SOX6: variants seen among roughly 807,000 people sequenced by gnomAD.
The protein encoded by SOX6 is SRY-box transcription factor 6, also known as transcription factor SOX-6.
Under a neutral mutation model 97.8 loss-of-function variants are expected in SOX6, and 11 were observed. That is an observed-to-expected ratio of 0.11 (90% CI 0.07 to 0.19). The LOEUF (loss-of-function observed/expected upper bound fraction) is 0.19, where lower values mean the gene tolerates loss of function less well. Among genes scored for constraint, SOX6 ranks in the 10% least tolerant of loss-of-function variants. SOX6 has a pLI of 1.00. For synonymous variants in SOX6, 360 were observed against 371.4 expected (o/e 0.97, Z 0.35); for missense variants, 810 against 1,039.5 (o/e 0.78, Z 3.04).
chr11:16,673,099 G>T (rs1316915678), intron 3 of SOX6, among the ~76,000 whole-genome samples: 1 of 151,892 alleles, frequency 6.6e-6, no homozygotes, highest in Non-Finnish European at 1.5e-5. Context: ...CAAAACAATG[G>T]AATACAGTGA....
rs571505791 is a variant in SOX6 at position 16,504,617 on chromosome 11, T to C, written n.610-28229A>G. ...AAAATAGAAAGACATCCCATGCTCA[T>C]GGACTGGAAAAATTAATATTGTTAA... is the stretch of plus-strand genomic sequence containing the variant. On this transcript the variant is annotated intron_variant and non_coding_transcript_variant, in intron 4 of 5. Coordinates refer to the SOX6 transcript ENST00000524520. 3.9e-5 allele frequency among the ~76,000 whole-genome samples: 6 copies of C among 152,236 alleles called. No individual in the cohort carries two copies. The South Asian group carries it at 6.2e-4, about 16-fold the overall frequency.
At chr11:16,181,549 T>C (rs1317283599) in intron 6 of SOX6, among the ~76,000 whole-genome samples, 2 of 123,536 alleles carry the variant, frequency 1.6e-5, no homozygotes, top group Non-Finnish European at 3.4e-5. Flanking sequence ...ATAGTTACCC[T>C]TTCCCCTTCC....
chr11:15,984,711 G>A (rs893408508), intron 15 of SOX6, among the ~76,000 whole-genome samples: 3 of 152,066 alleles, frequency 2.0e-5, no homozygotes, highest in African/African-American at 7.2e-5. Flanking sequence ...AACATACTGG[G>A]ATCTTTTATA....
chr11:16,077,057 C>G (rs1848373062), intron 9 of SOX6, among the ~76,000 whole-genome samples: 1 of 152,110 alleles, frequency 6.6e-6, no homozygotes, highest in Admixed American at 6.6e-5. Flanking sequence ...CCGGCCGGTA[C>G]TACACATTTT....
intron 9 of SOX6, among the ~76,000 whole-genome samples, chr11:16,091,056 A>G (rs984810823): frequency 6.6e-6 from 1 of 152,120 alleles, no homozygotes; most frequent in African/African-American, 2.4e-5. Context: ...AGAAAGTTAT[A>G]GTGGAAACTC....
At chr11:16,131,154 G>T (rs538777081) in intron 6 of SOX6, among the ~76,000 whole-genome samples, 3 of 151,464 alleles carry the variant, frequency 2.0e-5, no homozygotes, top group African/African-American at 4.8e-5. Context: ...AGAAGACATG[G>T]TTAAAAAGCT....
At chr11:16,252,766 C>G (rs574561157) in intron 3 of SOX6, among the ~76,000 whole-genome samples, 2 of 152,212 alleles carry the variant, frequency 1.3e-5, no homozygotes, top group African/African-American at 4.8e-5. Flanking sequence ...CCCCCTCAAG[C>G]CTTCCACTTG....
At chr11:16,277,624 A>G (rs970808011) in intron 3 of SOX6, among the ~76,000 whole-genome samples, 28 of 152,308 alleles carry the variant, frequency 1.8e-4, no homozygotes, top group Non-Finnish European at 3.8e-4. Context: ...ATAAATCTTC[A>G]TAGGCTACTA....
At chr11:16,737,770 T>C (rs1848404511) in intron 1 of SOX6, among the ~76,000 whole-genome samples, 1 of 152,106 alleles carries the variant, frequency 6.6e-6, no homozygotes, top group Admixed American at 6.5e-5. Context: ...GGGGTTCCTT[T>C]TGGAGTGGTG....
chr11:16,402,344 T>C (rs977094801), intron 1 of SOX6, among the ~76,000 whole-genome samples: 26 of 151,714 alleles, frequency 1.7e-4, no homozygotes, highest in African/African-American at 6.3e-4. Context: ...ATTTCTTTCA[T>C]ATTTATCATT....
chr11:16,262,600 T>C (rs1400501770), intron 3 of SOX6, among the ~76,000 whole-genome samples: 4 of 152,092 alleles, frequency 2.6e-5, no homozygotes, highest in African/African-American at 7.2e-5. Context: ...ACAAGGGTGA[T>C]AGTATCTGTA....
chr11:16,374,187 A>G (rs1367489296), intron 1 of SOX6, among the ~76,000 whole-genome samples: 1 of 152,080 alleles, frequency 6.6e-6, no homozygotes, highest in African/African-American at 2.4e-5. Context: ...ACTGCCTATG[A>G]ACTGAACTGG....
intron 6 of SOX6, among the ~76,000 whole-genome samples, chr11:16,140,826 G>A (rs908223984): frequency 6.6e-6 from 1 of 152,116 alleles, no homozygotes; most frequent in Admixed American, 6.5e-5. Context: ...TAAGTAAAGT[G>A]GAAATAATAT....
upstream of SOX6, among the ~76,000 whole-genome samples, chr11:16,358,060 G>GGTCA (rs1857117272): frequency 1.3e-5 from 2 of 152,088 alleles, no homozygotes; most frequent in African/African-American, 4.8e-5. Flanking sequence ...GTTGACTGAA[G>GGTCA]GTCACAGCAT....
rs560137433 is a variant in SOX6 at position 16,503,867 on chromosome 11, A to T, written n.610-27479T>A. ...AAACCATCCTGGCTAACAAGGTGAAACTCCGTCTGTACTAAAAATACAAAA... is the reference window on the plus strand; with the variant it reads ...AAACCATCCTGGCTAACAAGGTGAATCTCCGTCTGTACTAAAAATACAAAA... On this transcript the variant is annotated intron_variant and non_coding_transcript_variant, in intron 4 of 5. Transcript: ENST00000524520. Among the ~76,000 whole-genome samples the T allele has an allele frequency of 4.6e-5, 7 of 152,012 alleles. No homozygotes were observed. The South Asian group carries it at 1.5e-3, about 32-fold the overall frequency.
chr11:16,349,747 GGAA>G (rs1856884747), intron 1 of SOX6, among the ~76,000 whole-genome samples: 2 of 143,778 alleles, frequency 1.4e-5, no homozygotes, highest in Non-Finnish European at 3.1e-5. Context: ...AAGGAAGGAA[GGAA>G]GGAAGGAAGG....
At chr11:16,283,939 C>A in intron 3 of SOX6, 1 of 420,436 alleles carries the variant, frequency 2.4e-6, no homozygotes, top group East Asian at 8.0e-5. Context: ...TAAAAGATGA[C>A]CAAATTCAGA....
chr11:16,255,858 C>T (rs913610044), intron 3 of SOX6, among the ~76,000 whole-genome samples: 8 of 148,436 alleles, frequency 5.4e-5, no homozygotes, highest in East Asian at 2.0e-4. Context: ...AAAAAAGAGA[C>T]GACGCAAATT....
intron 1 of SOX6, among the ~76,000 whole-genome samples, chr11:16,398,455 A>T (rs1858430013): frequency 6.6e-6 from 1 of 151,470 alleles, no homozygotes; most frequent in South Asian, 2.1e-4. Context: ...GGGGCAGAGT[A>T]GTAAGGGTCT....
Sources: gnomAD v4.1 joint callset for allele counts (sites outside exome capture counted in the v4.1 genomes callset) on GRCh38, gnomAD v4.1.1 for gene constraint, MANE v1.5 for transcripts, NCBI Gene and HGNC (gene_info 2026-07-23, HGNC 2026-07-21) for gene names.